Variants in PRRX1 observed in about 807,000 individuals in gnomAD.
PRRX1 encodes paired mesoderm homeobox protein 1.
In PRRX1, 8 loss-of-function variants were observed where a neutral mutation model predicts 24.0. The ratio of observed to expected loss-of-function variants is 0.33; its 90% CI spans 0.20 to 0.60. The LOEUF is 0.60. PRRX1 is among the 20% of genes least tolerant of loss of function. The pLI, the probability that PRRX1 is intolerant of heterozygous loss-of-function variation, is 0.82. For synonymous variants in PRRX1, 160 were observed against 131.7 expected (o/e 1.22, Z -1.47); for missense variants, 281 against 322.4 (o/e 0.87, Z 0.98).
chr1:170,724,270 T>C (rs2101920928), intron 2 of PRRX1, among the ~76,000 whole-genome samples: 1 of 152,356 alleles, frequency 6.6e-6, no homozygotes, highest in South Asian at 2.1e-4. Context: ...TTTATTTTTC[T>C]GTGCAGAAGC....
At chr1:170,696,373 C>T (rs530655684) in intron 1 of PRRX1, among the ~76,000 whole-genome samples, 4 of 152,198 alleles carry the variant, frequency 2.6e-5, no homozygotes, top group Admixed American at 6.5e-5. Context: ...CTCTAGTGTG[C>T]GGTTCTCAGA....
intron 1 of PRRX1, among the ~76,000 whole-genome samples, chr1:170,714,043 G>A (rs550995679): frequency 2.6e-5 from 4 of 152,280 alleles, no homozygotes; most frequent in Non-Finnish European, 5.9e-5. Flanking sequence ...TCATTGTGAT[G>A]CACTAAGCTC....
chr1:170,673,932 T>C (rs1281866147), intron 1 of PRRX1, among the ~76,000 whole-genome samples: 2 of 152,220 alleles, frequency 1.3e-5, no homozygotes, highest in African/African-American at 4.8e-5. Context: ...ACTCTCTGTA[T>C]CCATGCTTGT....
intron 3 of PRRX1, among the ~76,000 whole-genome samples, chr1:170,732,926 A>G (rs1045863787): frequency 4.6e-5 from 7 of 152,156 alleles, no homozygotes; most frequent in African/African-American, 1.7e-4. Flanking sequence ...GTTCTTATAC[A>G]ATGCCACCAT....
chr1:170,677,347 C>T (rs1653358843), intron 1 of PRRX1, among the ~76,000 whole-genome samples: 1 of 152,210 alleles, frequency 6.6e-6, no homozygotes, highest in African/African-American at 2.4e-5. Context: ...GCCTAGTACC[C>T]TACTCAAATA....
intron 1 of PRRX1, among the ~76,000 whole-genome samples, chr1:170,689,836 CTCCCT>C (rs1653872322): frequency 5.2e-5 from 3 of 58,086 alleles, no homozygotes; most frequent in Non-Finnish European, 7.3e-5. Context: ...CTCTCTCTCT[CTCCCT>C]CTCTCTCTCT....
Position 170,739,151 on chromosome 1 carries a change from G to A in PRRX1, c.*2965G>A, listed in dbSNP as rs1016934559. Reference sequence around the variant, plus strand: ...CTCACCATCATGATACCAGATACAGGTGAATACATAGGAACTATCTGCCTG... The same window carrying A: ...CTCACCATCATGATACCAGATACAGATGAATACATAGGAACTATCTGCCTG... On this transcript the variant is annotated 3_prime_UTR_variant, in exon 4 of 4. Coordinates refer to ENST00000239461, the MANE Select transcript of PRRX1 (RefSeq NM_022716.4). The A allele has an allele frequency of 5.7e-5, 12 of 210,802 alleles. No individual in the cohort carries two copies. Among genetic ancestry groups the A allele is most frequent in the African/African-American group, 2.5e-4 (11 of 44,088 alleles). The allele number at this position is 210,802 out of a possible 1,614,324, so 13.1% of individuals were successfully genotyped here. A position where few individuals can be genotyped will look rare whatever the true frequency, so the allele number is the denominator to read the frequency against.
intron 1 of PRRX1, among the ~76,000 whole-genome samples, chr1:170,706,032 T>C (rs1654556954): frequency 6.6e-6 from 1 of 152,110 alleles, no homozygotes. Flanking sequence ...ACTCTGGAAC[T>C]TTATAAATAG....
chr1:170,674,232 G>A (rs180992167), intron 1 of PRRX1, among the ~76,000 whole-genome samples: 5 of 150,438 alleles, frequency 3.3e-5, no homozygotes, highest in East Asian at 1.9e-4. Flanking sequence ...GCGCGCTTGC[G>A]CACGCACGCA....
At chr1:170,671,948 G>C (rs991831039) in intron 1 of PRRX1, among the ~76,000 whole-genome samples, 1 of 152,204 alleles carries the variant, frequency 6.6e-6, no homozygotes, top group African/African-American at 2.4e-5. Flanking sequence ...GCTGGTATTA[G>C]TGAGATGTTG....
chr1:170,707,099 G>C (rs1373660695), intron 1 of PRRX1, among the ~76,000 whole-genome samples: 1 of 151,814 alleles, frequency 6.6e-6, no homozygotes, highest in Non-Finnish European at 1.5e-5. Context: ...ACCCCAGCCT[G>C]GGTGACAGAG....
At chr1:170,667,923 T>C (rs1653006219) in intron 1 of PRRX1, 1 of 152,094 alleles carries the variant, frequency 6.6e-6, no homozygotes. Flanking sequence ...GGGCCGAATA[T>C]AGTTAGAAGG....
intron 1 of PRRX1, among the ~76,000 whole-genome samples, chr1:170,708,093 A>G (rs1160693706): frequency 6.6e-6 from 1 of 152,130 alleles, no homozygotes; most frequent in Non-Finnish European, 1.5e-5. Flanking sequence ...TCTTCCTGTT[A>G]TGAGTTGAGC....
At chr1:170,692,739 T>TCA (rs752023390) in intron 1 of PRRX1, among the ~76,000 whole-genome samples, 5,585 of 141,054 alleles carry the variant, frequency 0.04, 126 homozygotes, top group Middle Eastern at 0.11. Context: ...TCTCTCTCTC[T>TCA]CTCACACACA....
intron 1 of PRRX1, among the ~76,000 whole-genome samples, chr1:170,705,035 C>T (rs1370852267): frequency 6.6e-6 from 1 of 152,100 alleles, no homozygotes; most frequent in Non-Finnish European, 1.5e-5. Context: ...TTATTTGGGT[C>T]CTAGTGGAAT....
chr1:170,664,610 G>A, intron 1 of PRRX1, 151 bp downstream of exon 1: 1 of 1,291,544 alleles, frequency 7.7e-7, no homozygotes, highest in Admixed American at 2.8e-5. Context: ...GCCAGTCACA[G>A]GGGAAACCAG....
chr1:170,710,198 AC>A (rs1401161597), intron 1 of PRRX1, among the ~76,000 whole-genome samples: 7 of 152,180 alleles, frequency 4.6e-5, no homozygotes, highest in African/African-American at 1.4e-4. Flanking sequence ...AAGTAAAAAA[AC>A]ACACCACCAA....
intron 1 of PRRX1, among the ~76,000 whole-genome samples, chr1:170,714,712 C>T (rs1409765296): frequency 6.6e-6 from 1 of 152,186 alleles, no homozygotes; most frequent in Non-Finnish European, 1.5e-5. Context: ...ATAGGGATCA[C>T]CACATGCTGT....
At chr1:170,714,566 T>TA (rs35363078) in intron 1 of PRRX1, among the ~76,000 whole-genome samples, 76,454 of 151,982 alleles carry the variant, frequency 0.5, 19,530 homozygotes, top group Middle Eastern at 0.71. Context: ...AATATGTTTT[T>TA]CCGTACCTTT....
Sources: allele counts gnomAD v4.1 joint callset (sites outside exome capture counted in the v4.1 genomes callset), GRCh38; gene constraint gnomAD v4.1.1; transcripts MANE v1.5; gene names NCBI Gene and HGNC (gene_info 2026-07-23, HGNC 2026-07-21).